Variants in GRHL1 observed in about 807,000 individuals in gnomAD.
The protein encoded by GRHL1 is grainyhead-like protein 1 homolog.
In GRHL1, 38 loss-of-function variants were observed where a neutral mutation model predicts 75.7. The observed-to-expected ratio is 0.50, with a 90% CI of 0.39 to 0.66. GRHL1 has a LOEUF of 0.66. Among genes scored for constraint, GRHL1 ranks in the 30% least tolerant of loss-of-function variants. GRHL1 has a pLI of 0.00. For synonymous variants in GRHL1, 266 were observed against 279.4 expected (o/e 0.95, Z 0.48); for missense variants, 589 against 767.5 (o/e 0.77, Z 2.75).
intron 8 of GRHL1, among the ~76,000 whole-genome samples, chr2:9,984,275 T>A (rs1668323617): frequency 1.3e-5 from 2 of 152,212 alleles, no homozygotes; most frequent in South Asian, 4.1e-4. Flanking sequence ...GACCCATTCT[T>A]GGCTGTTGAC....
chr2:9,963,730 T>A (rs1667372403), intron 5 of GRHL1, among the ~76,000 whole-genome samples, 156 bp from the exon 6 acceptor site: 1 of 152,242 alleles, frequency 6.6e-6, no homozygotes, highest in Admixed American at 6.5e-5. Flanking sequence ...AATTTGTACT[T>A]CCACCTCTGA....
intron 1 of GRHL1, among the ~76,000 whole-genome samples, chr2:9,952,413 A>G (rs1442970892): frequency 6.6e-6 from 1 of 152,218 alleles, no homozygotes; most frequent in Non-Finnish European, 1.5e-5. Flanking sequence ...GGCTGGCGGC[A>G]TGAGTGGGAA....
intron 7 of GRHL1, chr2:9,964,726 C>T (rs558434276): frequency 5.5e-6 from 1 of 181,828 alleles, no homozygotes; most frequent in Admixed American, 5.5e-5. Context: ...AAAGATATTG[C>T]TGCTGTGCAG....
chr2:9,977,689 T>C (rs746788428), intron 8 of GRHL1, among the ~76,000 whole-genome samples: 5 of 152,094 alleles, frequency 3.3e-5, no homozygotes, highest in Non-Finnish European at 5.9e-5. Flanking sequence ...CTAACTGCAG[T>C]GTTACAGGGA....
In GRHL1 at chr2:9,992,646, G is replaced by A. The variant is rs1222651188; in HGVS notation, c.1461+500G>A. ...AAAAATGGTCACGCCCTGTTTTGTG[G>A]CAAAGGCTTACAAGGGATAGAAACT... On this transcript the variant is annotated intron_variant, in intron 11 of 15. Transcript: ENST00000324907. This position sits in a 1 kb window ranked among gnomAD's most constrained non-coding sequence, Gnocchi z 4.6. 6.6e-6 allele frequency among the ~76,000 whole-genome samples: 1 copy of A among 152,156 alleles called. No homozygotes were observed. The highest frequency in any genetic ancestry group is 1.5e-5 in the Non-Finnish European group (1 of 68,042).
rs201569622 is a variant in GRHL1 at position 10,000,611 on chromosome 2, C to T, written c.1761C>T (p.Asp587=). 2.2e-4 allele frequency: 358 copies of T among 1,611,076 alleles called. 2 individuals carry two copies. The South Asian group carries it at 3.4e-3, about 15-fold the overall frequency. ...KCKKGILVNM[D]DNIVKHYSNE... is the part of the protein sequence containing the mutation. ...CATCCAGGATCCTGGTGAACATGGA[C>T]GACAACATTGTGAAGCATTACTCCA... is the stretch of plus-strand genomic sequence containing the variant. The change falls in exon 16 of 16, where the codon GAC becomes GAT. Residue 587 remains aspartate (D), a synonymous_variant. Transcript: ENST00000324907.
At chr2:9,959,678 T>C (rs895944156) in intron 3 of GRHL1, 1 of 152,246 alleles carries the variant, frequency 6.6e-6, no homozygotes, top group Non-Finnish European at 1.5e-5. Flanking sequence ...CCCACATGTA[T>C]CCATGACCAG....
In GRHL1 at chr2:10,000,613, A is replaced by G; in HGVS notation, c.1763A>G (p.Asp588Gly). ...TCCAGGATCCTGGTGAACATGGACG[A>G]CAACATTGTGAAGCATTACTCCAAT... ...CKKGILVNMD[D>G]NIVKHYSNED... The change falls in exon 16 of 16, where the codon GAC becomes GGC. Residue 588 changes from aspartate to glycine, a missense_variant. Asp to Gly is a moderately conservative substitution (Grantham distance 94). Transcript: ENST00000324907. 6.2e-7 allele frequency: 1 copy of G among 1,612,438 alleles called. No homozygotes were observed. The highest frequency in any genetic ancestry group is 1.7e-5 in the Admixed American group (1 of 59,982).
chr2:9,996,273 T>C (rs1558317519), intron 13 of GRHL1, 43 bp from the exon 14 acceptor site: 7 of 1,382,416 alleles, frequency 5.1e-6, no homozygotes, highest in Admixed American at 3.4e-5. Flanking sequence ...ATCCTTTTTT[T>C]CCTCTCTTTT....
At chr2:9,957,091 C>T (rs1398152863) in intron 2 of GRHL1, among the ~76,000 whole-genome samples, 3 of 151,620 alleles carry the variant, frequency 2.0e-5, no homozygotes, top group African/African-American at 7.3e-5. Context: ...ACCTCAACCT[C>T]CTGGGGTTGA....
intron 1 of GRHL1, among the ~76,000 whole-genome samples, chr2:9,954,428 C>G (rs970078471): frequency 1.3e-5 from 2 of 152,194 alleles, no homozygotes; most frequent in African/African-American, 4.8e-5. Flanking sequence ...TGCTTCTCCC[C>G]TCCCCACTGT....
chr2:9,962,900 C>CT lies in GRHL1; in HGVS notation c.746+380dup, dbSNP rs548120688. Among the ~76,000 whole-genome samples, 1,174 of 145,560 alleles carry CT rather than the reference C, an allele frequency of 8.1e-3. 8 individuals are homozygous for CT. Among genetic ancestry groups the CT allele is most frequent in the African/African-American group, 0.014 (563 of 39,892 alleles). Reference sequence around the variant, plus strand: ...TAGGAGTAATATCAAGTGATAAAAGCTTTTTTTTTTTAAAATCAGCCTCAC... The same window carrying CT: ...TAGGAGTAATATCAAGTGATAAAAGCTTTTTTTTTTTTAAAATCAGCCTCAC... On this transcript the variant is annotated intron_variant, in intron 5 of 15. Transcript: ENST00000324907.
chr2:9,979,700 G>A (rs562065215), intron 8 of GRHL1, among the ~76,000 whole-genome samples: 1 of 152,246 alleles, frequency 6.6e-6, no homozygotes, highest in East Asian at 1.9e-4. Context: ...TCTTATAGGT[G>A]AATGATAATA....
At chr2:9,998,813 T>C (rs560689982) in intron 14 of GRHL1, 152 bp from the exon 15 acceptor site, 1 of 85,598 alleles carries the variant, frequency 1.2e-5, no homozygotes, top group Non-Finnish European at 1.9e-5. Context: ...TATATACGTA[T>C]ATATATGTAC....
intron 4 of GRHL1, 107 bp from the exon 5 acceptor site, chr2:9,962,348 A>T: frequency 1.5e-6 from 1 of 677,388 alleles, no homozygotes; most frequent in Non-Finnish European, 2.7e-6. Context: ...TATGGAAAGG[A>T]TAGTGGGTTG....
intron 1 of GRHL1, chr2:9,953,005 G>A (rs755421645): frequency 1.8e-5 from 8 of 456,764 alleles, no homozygotes; most frequent in South Asian, 1.2e-4. Context: ...TGAGCCTTCG[G>A]CGACTGAAGC....
intron 2 of GRHL1, among the ~76,000 whole-genome samples, chr2:9,957,267 G>A (rs1190244786): frequency 2.0e-5 from 3 of 151,810 alleles, no homozygotes; most frequent in Non-Finnish European, 4.4e-5. Context: ...TTAGGATTAC[G>A]GACGTGAGCC....
chr2:9,981,326 C>T (rs997923129), intron 8 of GRHL1, among the ~76,000 whole-genome samples: 9 of 152,228 alleles, frequency 5.9e-5, no homozygotes, highest in African/African-American at 1.7e-4. Context: ...GCACAGCACA[C>T]ACTGGATGTC....
At chr2:9,977,432 T>C (rs1031830054) in intron 8 of GRHL1, among the ~76,000 whole-genome samples, 2 of 152,228 alleles carry the variant, frequency 1.3e-5, no homozygotes, top group African/African-American at 2.4e-5. Flanking sequence ...GCAATTCTCG[T>C]GCCTCAGCCT....
Sources: gnomAD v4.1 joint callset for allele counts (sites outside exome capture counted in the v4.1 genomes callset) on GRCh38, gnomAD v4.1.1 for gene constraint, Gnocchi (gnomAD v3.1) non-coding constraint, MANE v1.5 for transcripts, NCBI Gene and HGNC (gene_info 2026-07-23, HGNC 2026-07-21) for gene names.